Variants in NPAS3 observed in about 807,000 individuals in gnomAD.
The protein encoded by NPAS3 is neuronal PAS domain protein 3, also known as neuronal PAS domain-containing protein 3.
In NPAS3, 14 loss-of-function variants were observed where a neutral mutation model predicts 73.1. The ratio of observed to expected loss-of-function variants is 0.19; its 90% CI spans 0.13 to 0.30. The LOEUF (loss-of-function observed/expected upper bound fraction) is 0.30. Among genes scored for constraint, NPAS3 ranks in the 10% least tolerant of loss-of-function variants. The pLI is 1.00. For synonymous variants in NPAS3, 620 were observed against 541.5 expected (o/e 1.14, Z -2.01); for missense variants, 1,096 against 1,250.0 (o/e 0.88, Z 1.86).
At chr14:32,988,267 C>T (rs988781726) in intron 1 of NPAS3, among the ~76,000 whole-genome samples, 3 of 151,906 alleles carry the variant, frequency 2.0e-5, no homozygotes, top group Admixed American at 2.0e-4. Flanking sequence ...ATTATTTTTG[C>T]CCTCTAAGAC....
At chr14:33,305,011 G>A (rs2042702010) in intron 3 of NPAS3, among the ~76,000 whole-genome samples, 2 of 152,192 alleles carry the variant, frequency 1.3e-5, no homozygotes, top group Middle Eastern at 6.8e-3. Context: ...GGTGTGTCTT[G>A]AGGCAGAAGT....
intron 5 of NPAS3, among the ~76,000 whole-genome samples, chr14:33,635,726 A>G (rs1392204222): frequency 6.6e-6 from 1 of 152,160 alleles, no homozygotes; most frequent in Admixed American, 6.5e-5. Flanking sequence ...CCAGAAGCCC[A>G]CCTTCCCTGG....
intron 1 of NPAS3, among the ~76,000 whole-genome samples, chr14:32,990,950 C>G (rs1245394023): frequency 1.3e-5 from 2 of 148,818 alleles, no homozygotes; most frequent in Admixed American, 6.7e-5. Flanking sequence ...CAAAAAAAAA[C>G]AAGCCACTGA....
At chr14:33,234,879 T>C (rs1256767446) in intron 3 of NPAS3, among the ~76,000 whole-genome samples, 1 of 152,120 alleles carries the variant, frequency 6.6e-6, no homozygotes, top group Non-Finnish European at 1.5e-5. Flanking sequence ...AGCATTTGGC[T>C]ATAATAAGAG....
intron 4 of NPAS3, among the ~76,000 whole-genome samples, chr14:33,476,520 T>C (rs949180366): frequency 6.6e-6 from 1 of 152,218 alleles, no homozygotes; most frequent in Non-Finnish European, 1.5e-5. Flanking sequence ...ACTTTGATCA[T>C]ACTTGAACAC....
At chr14:33,767,149 G>A (rs1162482367) in intron 7 of NPAS3, among the ~76,000 whole-genome samples, 2 of 152,150 alleles carry the variant, frequency 1.3e-5, no homozygotes, top group African/African-American at 4.8e-5. Flanking sequence ...CAGGCCTTGT[G>A]CAAGGAAAGA....
At chr14:33,612,206 G>C (rs1278226474) in intron 5 of NPAS3, among the ~76,000 whole-genome samples, 4 of 152,168 alleles carry the variant, frequency 2.6e-5, no homozygotes, top group African/African-American at 9.6e-5. Context: ...GCCCCTGCCG[G>C]GGAGAATGAA....
intron 5 of NPAS3, among the ~76,000 whole-genome samples, chr14:33,628,255 A>T (rs2058277669): frequency 6.6e-6 from 1 of 152,214 alleles, no homozygotes; most frequent in Admixed American, 6.5e-5. Context: ...AGGGGCATAC[A>T]GCTCAGATTT....
intron 3 of NPAS3, among the ~76,000 whole-genome samples, chr14:33,311,901 A>G (rs2043018820): frequency 6.6e-6 from 1 of 152,160 alleles, no homozygotes. Context: ...AAGGAAGGGT[A>G]TGCATGCCAA....
rs543852075 is a variant in NPAS3 at position 33,766,401 on chromosome 14, A to G, written c.853-7936A>G. Among the ~76,000 whole-genome samples the G allele has an allele frequency of 6.6e-5, 10 of 152,280 alleles. No individual in the cohort carries two copies. The South Asian group carries it at 2.1e-3, about 32-fold the overall frequency. ...CCCGCTCACCTCATTCCCATTTAAA[A>G]CAAGTGAAAGATCATGGAGTCCCTG... On this transcript the variant is annotated intron_variant, in intron 7 of 11. Coordinates refer to ENST00000356141, the Ensembl canonical transcript of NPAS3.
At chr14:33,232,817 C>T (rs1208003170) in intron 3 of NPAS3, among the ~76,000 whole-genome samples, 1 of 152,114 alleles carries the variant, frequency 6.6e-6, no homozygotes, top group Non-Finnish European at 1.5e-5. Flanking sequence ...AATGATTAAG[C>T]AATGCACAGA....
At chr14:33,088,685 C>T (rs2042117759) in intron 2 of NPAS3, among the ~76,000 whole-genome samples, 1 of 152,208 alleles carries the variant, frequency 6.6e-6, no homozygotes, top group Non-Finnish European at 1.5e-5. Context: ...TAGTGGTTCT[C>T]CTAGCACCGA....
In NPAS3 at chr14:33,636,048, G is replaced by A. The variant is rs577231163; in HGVS notation, c.559-40163G>A. Among the ~76,000 whole-genome samples the A allele has an allele frequency of 4.6e-5, 7 of 152,296 alleles. No individual in the cohort carries two copies. In the South Asian group the frequency reaches 1.5e-3, roughly 32 times the overall value. On this transcript the variant is annotated intron_variant, in intron 5 of 11. Coordinates refer to ENST00000356141, the Ensembl canonical transcript of NPAS3. ...GCGATTCTCCTGCTTAGCCTCCCGA[G>A]TAGCTGGGATTACAGGCATGCACCA...
At chr14:33,410,013 T>G (rs2047851190) in intron 4 of NPAS3, among the ~76,000 whole-genome samples, 1 of 152,204 alleles carries the variant, frequency 6.6e-6, no homozygotes, top group African/African-American at 2.4e-5. Flanking sequence ...TCTTTGTAGC[T>G]CTAACATTGG....
chr14:33,373,070 A>G (rs1326623510), intron 4 of NPAS3, among the ~76,000 whole-genome samples: 3 of 152,234 alleles, frequency 2.0e-5, no homozygotes, highest in Non-Finnish European at 4.4e-5. Flanking sequence ...ACAAAACACA[A>G]AATGGTAGCA....
At chr14:32,998,444 TTAGA>T (rs1428880159) in intron 1 of NPAS3, among the ~76,000 whole-genome samples, 2 of 152,152 alleles carry the variant, frequency 1.3e-5, no homozygotes, top group Admixed American at 6.5e-5. Flanking sequence ...TATTTTGGAA[TTAGA>T]TAGAGGTAGT....
At chr14:33,488,282 A>G (rs1005002876) in intron 4 of NPAS3, among the ~76,000 whole-genome samples, 2 of 151,920 alleles carry the variant, frequency 1.3e-5, no homozygotes, top group African/African-American at 4.8e-5. Context: ...AGTTTAGTGA[A>G]CAAGCAGGAA....
chr14:33,668,042 C>T (rs753382831), intron 5 of NPAS3, among the ~76,000 whole-genome samples: 1 of 152,094 alleles, frequency 6.6e-6, no homozygotes, highest in South Asian at 2.1e-4. Flanking sequence ...CATGGTGACA[C>T]GGAGAAGGAG....
chr14:33,162,665 A>G (rs1402208704), intron 2 of NPAS3, among the ~76,000 whole-genome samples: 1 of 150,192 alleles, frequency 6.7e-6, no homozygotes, highest in Non-Finnish European at 1.5e-5. Flanking sequence ...TTTTCGTTAA[A>G]AACAAGCAAA....
Sources: allele counts gnomAD v4.1 joint callset (sites outside exome capture counted in the v4.1 genomes callset), GRCh38; gene constraint gnomAD v4.1.1; transcripts MANE v1.5; gene names NCBI Gene and HGNC (gene_info 2026-07-23, HGNC 2026-07-21).